The following SUGCT variants were observed in gnomAD, a reference collection of about 807,000 sequenced individuals.
The protein encoded by SUGCT is succinyl-CoA:glutarate-CoA transferase.
A neutral mutation model predicts 55.0 loss-of-function variants in SUGCT; 41 were observed. The ratio of observed to expected loss-of-function variants is 0.74; its 90% CI spans 0.58 to 0.97. The LOEUF is 0.97. Ranked by LOEUF, SUGCT falls within the 50% of genes least tolerant of loss-of-function variation. SUGCT has a pLI of 0.00. For missense variants in SUGCT, 568 were observed against 547.8 expected (o/e 1.04, Z -0.37); for synonymous variants, 187 against 200.4 (o/e 0.93, Z 0.56).
intron 13 of SUGCT, among the ~76,000 whole-genome samples, chr7:40,786,561 T>A (rs1449625343): frequency 1.3e-5 from 2 of 152,202 alleles, no homozygotes; most frequent in African/African-American, 2.4e-5. Context: ...TTGCTAATTA[T>A]ATTGTTGCAT....
intron 12 of SUGCT, among the ~76,000 whole-genome samples, chr7:40,534,483 C>G (rs1001490826): frequency 2.0e-5 from 3 of 152,158 alleles, no homozygotes; most frequent in Non-Finnish European, 4.4e-5. Context: ...CTCCCAGGTT[C>G]AAGCGATTCT....
At chr7:40,168,935 A>G (rs1023096888) in intron 1 of SUGCT, among the ~76,000 whole-genome samples, 8 of 151,394 alleles carry the variant, frequency 5.3e-5, no homozygotes, top group African/African-American at 1.9e-4. Flanking sequence ...GTTCCCTTCT[A>G]TTTCCCTTTT....
At chr7:40,229,391 C>T (rs1349288376) in intron 6 of SUGCT, among the ~76,000 whole-genome samples, 9 of 151,598 alleles carry the variant, frequency 5.9e-5, no homozygotes, top group Non-Finnish European at 8.8e-5. Flanking sequence ...TGGTGGCATG[C>T]GCCTATAGTC....
chr7:40,991,929 G>C, the SUGCT span, among the ~76,000 whole-genome samples: 2 of 152,074 alleles, frequency 1.3e-5, no homozygotes, highest in Non-Finnish European at 2.9e-5. Flanking sequence ...TGAACTGCCA[G>C]AGAATGTGTT....
intron 12 of SUGCT, among the ~76,000 whole-genome samples, chr7:40,686,138 TC>T (rs1352698717): frequency 6.6e-6 from 1 of 152,168 alleles, no homozygotes; most frequent in Non-Finnish European, 1.5e-5. Context: ...ATACTTTTCT[TC>T]TGGTTCCTGG....
chr7:40,711,643 T>A (rs1785728297), intron 12 of SUGCT, among the ~76,000 whole-genome samples: 1 of 152,204 alleles, frequency 6.6e-6, no homozygotes, highest in Non-Finnish European at 1.5e-5. Flanking sequence ...TAGACCTCCA[T>A]TCCTCCATCT....
chr7:40,374,896 T>G (rs778483145), intron 9 of SUGCT, among the ~76,000 whole-genome samples: 1 of 152,148 alleles, frequency 6.6e-6, no homozygotes, highest in Non-Finnish European at 1.5e-5. Flanking sequence ...TGGAAAGTTG[T>G]TAGGGACCAG....
rs936968577 is a variant in SUGCT, at chr7:40,154,277, C to T, written c.100+19157C>T. ...AAAAGTGCAGTGTGCACTCTTTAAA[C>T]CTGTTCAGAGCTCTTCACTCTAGTT... is the stretch of plus-strand genomic sequence containing the variant. On this transcript the variant is annotated intron_variant, in intron 1 of 13. Transcript: ENST00000335693. The T allele has an allele frequency of 3.3e-5, 5 of 153,190 alleles. No individual in the cohort carries two copies. The Admixed American group carries it at 3.3e-4, about 10-fold the overall frequency. The allele number at this position is 153,190 out of a possible 1,614,324, so 9.5% of individuals were successfully genotyped here. A position where few individuals can be genotyped will look rare whatever the true frequency, so the allele number is the denominator to read the frequency against.
At chr7:40,598,234 A>G (rs534598914) in intron 12 of SUGCT, among the ~76,000 whole-genome samples, 6 of 152,314 alleles carry the variant, frequency 3.9e-5, no homozygotes, top group East Asian at 1.9e-4. Context: ...ACAGCACTCA[A>G]TATACTGGAA....
chr7:40,454,178 CAAT>C (rs1789343246), intron 10 of SUGCT, among the ~76,000 whole-genome samples: 1 of 152,038 alleles, frequency 6.6e-6, no homozygotes, highest in African/African-American at 2.4e-5. Flanking sequence ...ACCTATTCAA[CAAT>C]AACAAAAAGT....
At chr7:40,302,266 C>A (rs1794581892) in intron 8 of SUGCT, among the ~76,000 whole-genome samples, 1 of 152,056 alleles carries the variant, frequency 6.6e-6, no homozygotes, top group East Asian at 1.9e-4. Context: ...TGTTATTCTT[C>A]CCACCTGTTT....
chr7:40,550,499 C>A (rs1452350571), intron 12 of SUGCT, among the ~76,000 whole-genome samples: 2 of 152,180 alleles, frequency 1.3e-5, no homozygotes, highest in Admixed American at 6.5e-5. Context: ...CCATCAAGAA[C>A]TGTTTATGCC....
intron 9 of SUGCT, among the ~76,000 whole-genome samples, chr7:40,369,482 T>C (rs1427353747): frequency 6.6e-6 from 1 of 152,164 alleles, no homozygotes; most frequent in African/African-American, 2.4e-5. Flanking sequence ...TGCAGGAGCT[T>C]GATGTATAAC....
At chr7:40,400,619 C>T (rs1018887295) in intron 9 of SUGCT, among the ~76,000 whole-genome samples, 35 of 152,238 alleles carry the variant, frequency 2.3e-4, no homozygotes, top group South Asian at 8.3e-4. Flanking sequence ...TCTCCTGTGA[C>T]GAGGACTTCT....
intron 6 of SUGCT, among the ~76,000 whole-genome samples, chr7:40,195,369 C>T (rs1437695877): frequency 1.3e-5 from 2 of 151,642 alleles, no homozygotes; most frequent in East Asian, 1.9e-4. Flanking sequence ...TTACCAGGCA[C>T]GCGCCACCAC....
At chr7:40,351,272 A>G (rs1797618465) in intron 9 of SUGCT, among the ~76,000 whole-genome samples, 1 of 152,082 alleles carries the variant, frequency 6.6e-6, no homozygotes, top group Non-Finnish European at 1.5e-5. Flanking sequence ...TAAGTATCAA[A>G]GTTAATAATT....
intron 7 of SUGCT, among the ~76,000 whole-genome samples, chr7:40,244,819 C>T (rs1253158687): frequency 6.6e-6 from 1 of 151,958 alleles, no homozygotes; most frequent in Non-Finnish European, 1.5e-5. Flanking sequence ...ATCATACAAA[C>T]CAGGACAGTT....
At chr7:40,533,752 G>T (rs140131472) in intron 12 of SUGCT, among the ~76,000 whole-genome samples, 6 of 152,048 alleles carry the variant, frequency 3.9e-5, no homozygotes, top group Admixed American at 6.6e-5. Flanking sequence ...AACATCTAGT[G>T]TTTTAATAAC....
At chr7:40,513,762 G>C (rs951280597) in intron 12 of SUGCT, among the ~76,000 whole-genome samples, 3 of 149,332 alleles carry the variant, frequency 2.0e-5, no homozygotes, top group Non-Finnish European at 4.4e-5. Context: ...CTTACTGTGT[G>C]ATCTTTAAGC....
Sources: gnomAD v4.1 joint callset for allele counts (sites outside exome capture counted in the v4.1 genomes callset) on GRCh38, gnomAD v4.1.1 for gene constraint, MANE v1.5 for transcripts, NCBI Gene and HGNC (gene_info 2026-07-23, HGNC 2026-07-21) for gene names.